The following MAP2K5 variants were observed in gnomAD, a reference collection of about 807,000 sequenced individuals.
MAP2K5 encodes dual specificity mitogen-activated protein kinase kinase 5.
A neutral mutation model predicts 83.1 loss-of-function variants in MAP2K5; 49 were observed. That is an observed-to-expected ratio of 0.59 (90% CI 0.47 to 0.75). The LOEUF is 0.75. MAP2K5 is among the 30% of genes least tolerant of loss of function. MAP2K5 has a pLI of 0.00. For synonymous variants in MAP2K5, 202 were observed against 191.8 expected, an observed-to-expected ratio of 1.05 and a Z score of -0.44; for missense variants, 457 against 557.5, an observed-to-expected ratio of 0.82 and a Z score of 1.82.
chr15:67,598,002 C>T (rs937139263), intron 7 of MAP2K5, among the ~76,000 whole-genome samples: 2 of 151,906 alleles, frequency 1.3e-5, no homozygotes, highest in African/African-American at 2.4e-5. Context: ...GTCAGGAGTT[C>T]GAGACCAGCC....
Position 67,572,231 on chromosome 15 carries a change from C to T in MAP2K5, c.253-8523C>T, listed in dbSNP as rs2140979850. Among the ~76,000 whole-genome samples, 1 of 152,208 alleles carries T rather than the reference C, an allele frequency of 6.6e-6. No individual in the cohort carries two copies. The highest frequency in any genetic ancestry group is 1.9e-4 in the East Asian group (1 of 5,174). On this transcript the variant is annotated intron_variant, in intron 3 of 21. Transcript: ENST00000178640. This position sits in a 1 kb window ranked among gnomAD's most constrained non-coding sequence, Gnocchi z 4.2. ...CAGTAGGAGCTGCCTGTGATTCAGT[C>T]TGTATGGACAGTGACGGGGGAGAGG...
In MAP2K5 at chr15:67,657,450, A is replaced by G. The variant is rs1420835030; in HGVS notation, c.737-1103A>G. On this transcript the variant is annotated intron_variant, in intron 11 of 21. Coordinates refer to ENST00000178640, the MANE Select transcript of MAP2K5 (RefSeq NM_145160.3). ...TACTGCCAATTTATCTGAAAGATCA[A>G]TGAGAACATAAAACGTTTTTCTGCT... 3.3e-5 allele frequency among the ~76,000 whole-genome samples: 5 copies of G among 152,304 alleles called. No homozygotes were observed. The East Asian group carries it at 7.7e-4, about 24-fold the overall frequency.
chr15:67,602,363 T>G (rs2085677525), intron 8 of MAP2K5, among the ~76,000 whole-genome samples: 1 of 152,246 alleles, frequency 6.6e-6, no homozygotes, highest in African/African-American at 2.4e-5. Context: ...GCCTTTATGC[T>G]GATAGCCAAA....
Position 67,724,091 on chromosome 15 carries a change from A to G in MAP2K5, c.1045-3825A>G, listed in dbSNP as rs2089032634. Among the ~76,000 whole-genome samples the G allele has an allele frequency of 6.6e-6, 1 of 152,228 alleles. No individual in the cohort carries two copies. Among genetic ancestry groups the G allele is most frequent in the African/African-American group, 2.4e-5 (1 of 41,440 alleles). Reference sequence around the variant, plus strand: ...AGTGATACAGAAACAGGCAAAATTAAAAAGGACATTAAAGCTTCATTAAAT... The same window carrying G: ...AGTGATACAGAAACAGGCAAAATTAGAAAGGACATTAAAGCTTCATTAAAT... On this transcript the variant is annotated intron_variant, in intron 16 of 21. Coordinates refer to ENST00000178640, the MANE Select transcript of MAP2K5 (RefSeq NM_145160.3). The surrounding 1 kb of genome is among the most constrained non-coding windows in gnomAD (Gnocchi z 4.4).
intron 6 of MAP2K5, among the ~76,000 whole-genome samples, chr15:67,588,568 A>C (rs960902673): frequency 5.3e-5 from 8 of 152,258 alleles, no homozygotes; most frequent in African/African-American, 1.9e-4. Flanking sequence ...AATTCCCAGC[A>C]TGATGCTTGC....
At chr15:67,682,301 C>T (rs537996074) in intron 13 of MAP2K5, among the ~76,000 whole-genome samples, 1 of 151,924 alleles carries the variant, frequency 6.6e-6, no homozygotes, top group South Asian at 2.1e-4. Context: ...ACTGCAACCT[C>T]CGCCTCCTGG....
Position 67,624,748 on chromosome 15 carries a change from G to C in MAP2K5, c.546-6140G>C, listed in dbSNP as rs533680088. On this transcript the variant is annotated intron_variant, in intron 8 of 21. Coordinates refer to ENST00000178640, the MANE Select transcript of MAP2K5 (RefSeq NM_145160.3). ...GGGTTCAAGCAATTCTCCTGCCTCA[G>C]CCTCCCGAGTAGCTGGGATTACAGG... 3.3e-5 allele frequency among the ~76,000 whole-genome samples: 5 copies of C among 151,976 alleles called. No homozygotes were observed. In the South Asian group the frequency reaches 1.0e-3, roughly 32 times the overall value.
At chr15:67,588,925 T>A (rs2085340468) in intron 6 of MAP2K5, among the ~76,000 whole-genome samples, 2 of 152,274 alleles carry the variant, frequency 1.3e-5, no homozygotes, top group African/African-American at 4.8e-5. Context: ...AAGTGGTCCT[T>A]CCACCTCAGC....
intron 1 of MAP2K5, among the ~76,000 whole-genome samples, chr15:67,547,336 T>C (rs1479061024): frequency 2.0e-5 from 3 of 152,208 alleles, no homozygotes; most frequent in African/African-American, 7.2e-5. Context: ...TCGTGGCATG[T>C]TGTAGATGCT....
chr15:67,659,126 C>T (rs924749617), intron 12 of MAP2K5: 1 of 236,542 alleles, frequency 4.2e-6, no homozygotes, highest in Non-Finnish European at 8.3e-6. Flanking sequence ...AGCAGTTTTC[C>T]CATATTCTTG....
Position 67,779,555 on chromosome 15 carries a change from A to G in MAP2K5, c.1242+6803A>G, listed in dbSNP as rs2090294287. On this transcript the variant is annotated intron_variant, in intron 21 of 21. Transcript: ENST00000178640. This position sits in a 1 kb window ranked among gnomAD's most constrained non-coding sequence, Gnocchi z 4.6. ...CATGCGCATAGCAAGAGAGATATAG[A>G]TAAAGTCTGTCATTCCTTGATCATG... 6.6e-6 allele frequency among the ~76,000 whole-genome samples: 1 copy of G among 152,370 alleles called. No individual in the cohort carries two copies.
rs1055750123 is a variant in MAP2K5 at position 67,572,213 on chromosome 15, A to G, written c.253-8541A>G. 6.6e-6 allele frequency among the ~76,000 whole-genome samples: 1 copy of G among 152,114 alleles called. No individual in the cohort carries two copies. Among genetic ancestry groups the G allele is most frequent in the Non-Finnish European group, 1.5e-5 (1 of 68,008 alleles). On this transcript the variant is annotated intron_variant, in intron 3 of 21. Transcript: ENST00000178640. This position sits in a 1 kb window ranked among gnomAD's most constrained non-coding sequence, Gnocchi z 4.2. ...AAAGAATGCCTGGTGAGTCAGTAGG[A>G]GCTGCCTGTGATTCAGTCTGTATGG...
chr15:67,634,367 C>CAAAAAAAAAAAAAAAAAAAA lies in MAP2K5; in HGVS notation c.585+3463_585+3482dup, dbSNP rs71142390. Among the ~76,000 whole-genome samples, 15 of 48,578 alleles carry CAAAAAAAAAAAAAAAAAAAA rather than the reference C, an allele frequency of 3.1e-4. 2 individuals are homozygous for CAAAAAAAAAAAAAAAAAAAA. Among genetic ancestry groups the CAAAAAAAAAAAAAAAAAAAA allele is most frequent in the Admixed American group, 9.6e-4 (3 of 3,138 alleles). The allele number at this position is 48,578 out of a possible 152,430, so 31.9% of individuals were successfully genotyped here. On this transcript the variant is annotated intron_variant, in intron 9 of 21. Transcript: ENST00000178640. Reference sequence around the variant, plus strand: ...TGGGTGACAGAGTAAGACCTCATCTCAAAAAAAAAAAAAAAAAAAAAAAAA... The same window carrying CAAAAAAAAAAAAAAAAAAAA: ...TGGGTGACAGAGTAAGACCTCATCTCAAAAAAAAAAAAAAAAAAAAAAAAAAAAAAAAAAAAAAAAAAAAA...
At chr15:67,795,646 T>A (rs746315256) in intron 21 of MAP2K5, among the ~76,000 whole-genome samples, 1 of 152,344 alleles carries the variant, frequency 6.6e-6, no homozygotes, top group East Asian at 1.9e-4. Flanking sequence ...CATTTGGTTT[T>A]TCCCCCCAGT....
At chr15:67,648,362 A>T (rs1393671816) in intron 11 of MAP2K5, among the ~76,000 whole-genome samples, 6 of 152,170 alleles carry the variant, frequency 3.9e-5, no homozygotes, top group Admixed American at 3.9e-4. Flanking sequence ...TTTACTTAGT[A>T]TAATGTTTTC....
intron 9 of MAP2K5, chr15:67,642,455 T>A: frequency 6.2e-7 from 1 of 1,611,176 alleles, no homozygotes; most frequent in Non-Finnish European, 8.5e-7. Flanking sequence ...ATGTACATAT[T>A]GAGGGCCAGA....
At position 67,620,473 on chromosome 15, in the gene MAP2K5, G is replaced by A. The variant is rs568492057; in HGVS notation, c.546-10415G>A. On this transcript the variant is annotated intron_variant, in intron 8 of 21. Transcript: ENST00000178640. ...GTAATTTATAACACGAACATATAAG[G>A]CAATAGAGTAGTTGATGCCAATAGA... Among the ~76,000 whole-genome samples, 85 of 152,166 alleles carry A rather than the reference G, an allele frequency of 5.6e-4. 1 individual carries two copies. In the South Asian group the frequency reaches 0.018, roughly 32 times the overall value.
At chr15:67,566,102 G>A (rs761690724) in intron 3 of MAP2K5, among the ~76,000 whole-genome samples, 3 of 152,112 alleles carry the variant, frequency 2.0e-5, no homozygotes, top group Non-Finnish European at 4.4e-5. Context: ...TCGTATAAAG[G>A]CATAGGGAAG....
chr15:67,602,485 A>G (rs1463322495), intron 8 of MAP2K5, among the ~76,000 whole-genome samples: 2 of 152,192 alleles, frequency 1.3e-5, no homozygotes, highest in Non-Finnish European at 2.9e-5. Flanking sequence ...GTGTTATTTC[A>G]CCAAACCTTT....
Sources: allele counts gnomAD v4.1 joint callset (sites outside exome capture counted in the v4.1 genomes callset), GRCh38; gene constraint gnomAD v4.1.1; non-coding constraint Gnocchi (gnomAD v3.1); transcripts MANE v1.5; gene names NCBI Gene and HGNC (gene_info 2026-07-23, HGNC 2026-07-21).